BANP: variants seen among roughly 807,000 people sequenced by gnomAD.
BANP encodes BTG3 associated nuclear protein.
A neutral mutation model predicts 68.1 loss-of-function variants in BANP; 11 were observed. The observed-to-expected ratio is 0.16, with a 90% CI of 0.10 to 0.27. The LOEUF is 0.27. Among genes scored for constraint, BANP ranks in the 10% least tolerant of loss-of-function variants. The pLI is 1.00. For missense variants in BANP, 504 were observed against 722.7 expected (o/e 0.70, Z 3.47); for synonymous variants, 329 against 303.2 (o/e 1.09, Z -0.88).
intron 6 of BANP, among the ~76,000 whole-genome samples, chr16:88,014,633 T>G (rs1265135609): frequency 6.6e-6 from 1 of 152,016 alleles, no homozygotes. Flanking sequence ...CAGGGATCTT[T>G]AGCAGCTTGG....
At chr16:87,970,153 A>C (rs1452714226) in intron 1 of BANP, 1 of 152,228 alleles carries the variant, frequency 6.6e-6, no homozygotes, top group Non-Finnish European at 1.5e-5. Flanking sequence ...GGCCTTCCAA[A>C]GTGCTGGGAT....
In BANP at chr16:88,072,099, G is replaced by C; in HGVS notation, c.1408G>C (p.Ala470Pro). 1 of 1,599,382 alleles carries C rather than the reference G, an allele frequency of 6.3e-7. No individual in the cohort carries two copies. The highest frequency in any genetic ancestry group is 8.5e-7 in the Non-Finnish European group (1 of 1,174,610). ...GCAGGGTGCACAGCTGATCGCCGTG[G>C]CCTCCTCGGACCCCGCGGCGGCGGG... ...VLQGAQLIAVASSDPAAAGVD... is the reference protein window; with the variant it reads ...VLQGAQLIAVPSSDPAAAGVD... The change falls in exon 13 of 14, where the codon GCC (alanine) becomes CCC (proline). Residue 470 changes from alanine to proline, a missense_variant. By Grantham distance (27) the Ala-to-Pro change is conservative. This residue lies in a region of BANP where 223 missense variants were observed against 246.2 expected (regional missense o/e 0.91). Coordinates refer to ENST00000682872, the MANE Select transcript of BANP (RefSeq NM_001386991.1).
intron 7 of BANP, among the ~76,000 whole-genome samples, chr16:88,022,215 C>T (rs1365737849): frequency 6.6e-6 from 1 of 152,212 alleles, no homozygotes; most frequent in African/African-American, 2.4e-5. Context: ...TGGTTTAGTT[C>T]TTAGGATTTC....
chr16:87,976,642 T>C (rs1850957368), intron 2 of BANP, among the ~76,000 whole-genome samples: 1 of 152,154 alleles, frequency 6.6e-6, no homozygotes, highest in African/African-American at 2.4e-5. Context: ...AGAGAGAATT[T>C]TCAGAAATCT....
At chr16:87,990,443 A>G (rs910691957) in intron 4 of BANP, among the ~76,000 whole-genome samples, 3 of 152,216 alleles carry the variant, frequency 2.0e-5, no homozygotes, top group Non-Finnish European at 4.4e-5. Context: ...GGTGTTATGT[A>G]GAGCTAGGCC....
chr16:88,024,551 GC>G (rs34187148), intron 7 of BANP, among the ~76,000 whole-genome samples: 2 of 152,260 alleles, frequency 1.3e-5, no homozygotes, highest in Admixed American at 6.5e-5. Flanking sequence ...AGGAATCCGA[GC>G]CCTGAGGGCT....
chr16:87,989,831 T>C (rs369714845), intron 4 of BANP, among the ~76,000 whole-genome samples: 143 of 27,162 alleles, frequency 5.3e-3, no homozygotes, highest in Middle Eastern at 0.045. Context: ...GGGCGGGTGA[T>C]GGGGGATGCA....
intron 1 of BANP, among the ~76,000 whole-genome samples, chr16:87,971,183 C>T (rs1425123957): frequency 2.0e-5 from 3 of 152,144 alleles, no homozygotes; most frequent in Non-Finnish European, 2.9e-5. Context: ...AAAGTTGTTA[C>T]ATTTGTTTTT....
chr16:87,995,623 G>A (rs890713496), intron 4 of BANP, among the ~76,000 whole-genome samples: 1 of 152,324 alleles, frequency 6.6e-6, no homozygotes, highest in Admixed American at 6.5e-5. Flanking sequence ...CCTACCTGGC[G>A]GCAGAGTGTC....
chr16:87,964,908 G>T (rs2145187204), intron 1 of BANP, among the ~76,000 whole-genome samples: 1 of 152,320 alleles, frequency 6.6e-6, no homozygotes, highest in South Asian at 2.1e-4. Context: ...GGTGACAGGG[G>T]CTCAGTTTGG....
chr16:88,042,949 T>C (rs973672083), intron 11 of BANP, among the ~76,000 whole-genome samples: 1 of 152,200 alleles, frequency 6.6e-6, no homozygotes, highest in African/African-American at 2.4e-5. Context: ...CAATGGTTTT[T>C]CAAAAAATTA....
chr16:87,961,339 C>A (rs1482296688), intron 1 of BANP, among the ~76,000 whole-genome samples: 1 of 150,448 alleles, frequency 6.6e-6, no homozygotes, highest in Non-Finnish European at 1.5e-5. Flanking sequence ...TTTTTTCGTA[C>A]TTTTTGTAGA....
At chr16:88,021,753 T>A (rs2076071171) in intron 7 of BANP, among the ~76,000 whole-genome samples, 1 of 152,196 alleles carries the variant, frequency 6.6e-6, no homozygotes, top group Admixed American at 6.5e-5. Context: ...CCCACCTTAC[T>A]CTCTGCTGTT....
chr16:87,977,287 C>A (rs557723131), intron 2 of BANP, among the ~76,000 whole-genome samples: 2 of 152,106 alleles, frequency 1.3e-5, no homozygotes, highest in Non-Finnish European at 2.9e-5. Flanking sequence ...GGCGTGGTGG[C>A]GGGCGCCTGT....
rs1411956566 is a variant in BANP at position 88,064,276 on chromosome 16, C to T, written c.1312-991C>T. ...GTGCGTCCACGGCGGGGCCTGCCTCCGTGGCAGCGCTCCCAGCACCCTGTG... is the reference window on the plus strand; with the variant it reads ...GTGCGTCCACGGCGGGGCCTGCCTCTGTGGCAGCGCTCCCAGCACCCTGTG... On this transcript the variant is annotated intron_variant, in intron 11 of 13. Coordinates refer to ENST00000682872, the MANE Select transcript of BANP (RefSeq NM_001386991.1). The surrounding 1 kb of genome is among the most constrained non-coding windows in gnomAD (Gnocchi z 4.5). 3.9e-5 allele frequency among the ~76,000 whole-genome samples: 6 copies of T among 152,290 alleles called. No homozygotes were observed. The highest frequency in any genetic ancestry group is 1.9e-4 in the East Asian group (1 of 5,170).
intron 1 of BANP, chr16:87,969,887 A>C (rs1597889936): frequency 7.0e-6 from 1 of 142,406 alleles, no homozygotes; most frequent in African/African-American, 2.7e-5. Flanking sequence ...CCTTATGCTC[A>C]TTTTTGATTA....
At position 88,072,159 on chromosome 16, in the gene BANP, C is replaced by G. The variant is rs760554782; in HGVS notation, c.1468C>G (p.Gln490Glu). The change falls in exon 13 of 14, where the codon CAG (glutamine) becomes GAG (glutamate). Residue 490 changes from glutamine to glutamate, a missense_variant. By Grantham distance (29) the Gln-to-Glu change is conservative (BLOSUM62 2). Transcript: ENST00000682872. Reference protein sequence around the residue: ...DGSPLQGSDIQVQYVQLAPVS... With the variant: ...DGSPLQGSDIEVQYVQLAPVS... ...GTCGCCACTCCAGGGCAGCGACATC[C>G]AGGTTCAGTACGTGCAGCTGGCGCC... 7 of 1,611,622 alleles carry G rather than the reference C, an allele frequency of 4.3e-6. No homozygotes were observed. The highest frequency in any genetic ancestry group is 3.3e-5 in the Admixed American group (2 of 59,976).
Position 87,980,805 on chromosome 16 carries a change from G to C in BANP, c.71-231G>C, listed in dbSNP as rs140921973. 3,646 of 519,238 alleles carry C rather than the reference G, an allele frequency of 7.0e-3. 93 individuals carry two copies. The highest frequency in any genetic ancestry group is 0.053 in the African/African-American group (2,754 of 51,976). The allele number at this position is 519,238 out of a possible 1,614,324, so 32.2% of individuals were successfully genotyped here. ...CAGAAGCTTGCAGGTTTGGAGTTAG[G>C]ACTGACTCAGTGGCACATTAATTGC... On this transcript the variant is annotated intron_variant, in intron 2 of 13. Coordinates refer to ENST00000682872, the MANE Select transcript of BANP (RefSeq NM_001386991.1).
intron 11 of BANP, among the ~76,000 whole-genome samples, chr16:88,049,847 C>T (rs994438302): frequency 6.6e-6 from 1 of 152,188 alleles, no homozygotes; most frequent in African/African-American, 2.4e-5. Context: ...ATCTCTAATG[C>T]GTTTCAGTGT....
Sources: allele counts gnomAD v4.1 joint callset (sites outside exome capture counted in the v4.1 genomes callset), GRCh38; gene constraint gnomAD v4.1.1; regional missense constraint gnomAD v4.1.1; non-coding constraint Gnocchi (gnomAD v3.1); transcripts MANE v1.5; gene names NCBI Gene and HGNC (gene_info 2026-07-23, HGNC 2026-07-21).